STX8: variants seen among roughly 807,000 people sequenced by gnomAD.
STX8 encodes the protein syntaxin-8.
In STX8, 23 loss-of-function variants were observed where a neutral mutation model predicts 37.5. The ratio of observed to expected loss-of-function variants is 0.61; its 90% confidence interval spans 0.44 to 0.87. The LOEUF (loss-of-function observed/expected upper bound fraction) is 0.87. Ranked by LOEUF, STX8 falls within the 40% of genes least tolerant of loss-of-function variation. STX8 has a pLI of 0.00. For synonymous variants in STX8, 115 were observed against 99.1 expected, an observed-to-expected ratio of 1.16 and a Z score of -0.95; for missense variants, 313 against 284.7, an observed-to-expected ratio of 1.10 and a Z score of -0.71.
intron 6 of STX8, among the ~76,000 whole-genome samples, chr17:9,426,480 T>A (rs560601335): frequency 6.6e-6 from 1 of 152,242 alleles, no homozygotes; most frequent in Admixed American, 6.5e-5. Flanking sequence ...TGAGCCAAGA[T>A]CGTGCCACTG....
chr17:9,473,262 G>T (rs754827656), intron 6 of STX8, among the ~76,000 whole-genome samples: 2 of 152,132 alleles, frequency 1.3e-5, no homozygotes, highest in Admixed American at 1.3e-4. Flanking sequence ...CCAGTGATCT[G>T]CCCGTCTTGG....
intron 6 of STX8, among the ~76,000 whole-genome samples, chr17:9,458,984 C>T (rs960900735): frequency 6.6e-6 from 1 of 151,958 alleles, no homozygotes; most frequent in East Asian, 1.9e-4. Flanking sequence ...CGCCCACCAC[C>T]ACGCCCGGCT....
intron 7 of STX8, among the ~76,000 whole-genome samples, chr17:9,271,828 T>C (rs370641515): frequency 6.6e-6 from 1 of 151,494 alleles, no homozygotes; most frequent in Non-Finnish European, 1.5e-5. Flanking sequence ...CAAGCCTCCA[T>C]GTGACTCCTC....
chr17:9,285,507 C>T (rs1162261399), intron 7 of STX8, among the ~76,000 whole-genome samples: 1 of 151,946 alleles, frequency 6.6e-6, no homozygotes, highest in East Asian at 1.9e-4. Context: ...ATTTCCTGGT[C>T]TGACCTAGAT....
At chr17:9,301,597 T>C (rs867823640) in intron 7 of STX8, among the ~76,000 whole-genome samples, 9 of 142,644 alleles carry the variant, frequency 6.3e-5, no homozygotes, top group African/African-American at 1.8e-4. Flanking sequence ...ATTCTCCTGC[T>C]TCAGCCTCCC....
chr17:9,335,237 CCT>C (rs1410940657), intron 7 of STX8, among the ~76,000 whole-genome samples: 2 of 152,356 alleles, frequency 1.3e-5, no homozygotes, highest in East Asian at 1.9e-4. Context: ...AACCCCTTCC[CCT>C]CTCTTGTTCA....
At chr17:9,349,650 G>GTT (rs1455400085) in intron 7 of STX8, among the ~76,000 whole-genome samples, 1 of 152,024 alleles carries the variant, frequency 6.6e-6, no homozygotes, top group Non-Finnish European at 1.5e-5. Flanking sequence ...GTTAGGCACA[G>GTT]TAAGAGATTA....
chr17:9,489,316 A>G (rs937850881), intron 6 of STX8, among the ~76,000 whole-genome samples: 1 of 152,230 alleles, frequency 6.6e-6, no homozygotes, highest in South Asian at 2.1e-4. Context: ...AAACTAACAC[A>G]GGTATGGCCT....
At chr17:9,442,966 G>A (rs185497697) in intron 6 of STX8, among the ~76,000 whole-genome samples, 27 of 152,304 alleles carry the variant, frequency 1.8e-4, no homozygotes, top group Middle Eastern at 3.4e-3. Context: ...TCAACGTAAT[G>A]CATTTATAGT....
At chr17:9,438,280 A>G (rs997151073) in intron 6 of STX8, among the ~76,000 whole-genome samples, 5 of 150,138 alleles carry the variant, frequency 3.3e-5, no homozygotes, top group African/African-American at 1.2e-4. Context: ...ACTGTAAAAC[A>G]TTTGATCATC....
At chr17:9,561,528 G>A (rs543267047) in intron 2 of STX8, among the ~76,000 whole-genome samples, 3 of 151,578 alleles carry the variant, frequency 2.0e-5, no homozygotes, top group Admixed American at 1.3e-4. Context: ...GCGTGGTGGC[G>A]GGTGCCTGTA....
intron 6 of STX8, among the ~76,000 whole-genome samples, chr17:9,383,517 A>C (rs1911887581): frequency 6.6e-6 from 1 of 152,220 alleles, no homozygotes; most frequent in African/African-American, 2.4e-5. Context: ...CAGAGCTAAC[A>C]TCATACTTAC....
Position 9,547,766 on chromosome 17 carries a change from CCTTTT to C in STX8, c.213-2489_213-2485del, listed in dbSNP as rs201022655. 4.1e-3 allele frequency among the ~76,000 whole-genome samples: 619 copies of C among 149,198 alleles called. 3 individuals are homozygous for C. The highest frequency in any genetic ancestry group is 0.02 in the Middle Eastern group (6 of 294). On this transcript the variant is annotated intron_variant, in intron 3 of 7. Coordinates refer to ENST00000306357, the MANE Select transcript of STX8 (RefSeq NM_004853.3). ...AACCAGACACTCTCATACATTCTTTCCTTTTCTTTTCTTTTCTTTTTTTTTTTTTT... is the reference window on the plus strand; with the variant it reads ...AACCAGACACTCTCATACATTCTTTCCTTTTCTTTTCTTTTTTTTTTTTTT...
intron 7 of STX8, among the ~76,000 whole-genome samples, chr17:9,310,406 T>C (rs1268942598): frequency 6.6e-6 from 1 of 152,192 alleles, no homozygotes; most frequent in Non-Finnish European, 1.5e-5. Context: ...ATAAAACACA[T>C]CTGCTTCTTC....
chr17:9,540,725 C>A (rs1386725164), intron 4 of STX8: 1 of 152,200 alleles, frequency 6.6e-6, no homozygotes, highest in Non-Finnish European at 1.5e-5. Flanking sequence ...ACAGTACTTA[C>A]ATTATTTTTA....
At chr17:9,296,455 A>C (rs929404504) in intron 7 of STX8, among the ~76,000 whole-genome samples, 2 of 151,056 alleles carry the variant, frequency 1.3e-5, no homozygotes, top group African/African-American at 4.9e-5. Context: ...CCAAGATCAC[A>C]CCACTGCATT....
intron 7 of STX8, among the ~76,000 whole-genome samples, chr17:9,310,350 C>T (rs993302107): frequency 5.3e-5 from 8 of 152,258 alleles, no homozygotes; most frequent in East Asian, 1.9e-4. Flanking sequence ...TGGAAATACG[C>T]GAGGAATTGC....
chr17:9,478,200 A>G (rs1381799692), intron 6 of STX8, among the ~76,000 whole-genome samples: 1 of 152,260 alleles, frequency 6.6e-6, no homozygotes, highest in South Asian at 2.1e-4. Context: ...CAGTGGTGCA[A>G]TCTCGCCTCA....
chr17:9,499,391 A>C (rs754127568), intron 5 of STX8, among the ~76,000 whole-genome samples: 25 of 151,894 alleles, frequency 1.6e-4, no homozygotes, highest in Non-Finnish European at 2.5e-4. Flanking sequence ...AGCAAAGAGG[A>C]ATATGGCATT....
Sources: allele counts gnomAD v4.1 joint callset (sites outside exome capture counted in the v4.1 genomes callset), GRCh38; gene constraint gnomAD v4.1.1; transcripts MANE v1.5; gene names NCBI Gene and HGNC (gene_info 2026-07-23, HGNC 2026-07-21).